Variants in CTNNA3 observed in about 807,000 individuals in gnomAD.
CTNNA3 encodes catenin alpha 3, also known as catenin alpha-3.
Under a neutral mutation model 95.7 loss-of-function variants are expected in CTNNA3, and 76 were observed. The observed-to-expected ratio is 0.79, with a 90% CI of 0.66 to 0.96. CTNNA3 has a LOEUF of 0.96. Among genes scored for constraint, CTNNA3 ranks in the 40% least tolerant of loss-of-function variants. CTNNA3 has a pLI of 0.00. For missense variants in CTNNA3, 1,191 were observed against 1,089.8 expected (o/e 1.09, Z -1.31); for synonymous variants, 431 against 374.4 (o/e 1.15, Z -1.74).
At chr10:67,702,260 T>C (rs1841045615) in intron 1 of CTNNA3, among the ~76,000 whole-genome samples, 1 of 152,072 alleles carries the variant, frequency 6.6e-6, no homozygotes, top group African/African-American at 2.4e-5. Context: ...TGAACTCAGC[T>C]CTGCACCAAG....
rs1857558607 is a variant in CTNNA3, at chr10:67,090,359, T to G, written c.1047+89958A>C. Among the ~76,000 whole-genome samples, 5 of 152,242 alleles carry G rather than the reference T, an allele frequency of 3.3e-5. No individual in the cohort carries two copies. The South Asian group carries it at 1.0e-3, about 32-fold the overall frequency. On this transcript the variant is annotated intron_variant, in intron 7 of 17. Coordinates refer to ENST00000433211, the MANE Select transcript of CTNNA3 (RefSeq NM_013266.4). ...AATGTGCAAAGAAGCATCATAAAAC[T>G]ACAGTATAAACATAGGAAATCTTAA...
intron 1 of CTNNA3, among the ~76,000 whole-genome samples, chr10:67,757,314 C>T (rs1841438443): frequency 1.3e-5 from 2 of 152,172 alleles, no homozygotes; most frequent in East Asian, 1.9e-4. Context: ...GTTAATTTTA[C>T]GTATCAACTC....
At chr10:67,500,039 G>T (rs533896988) in intron 5 of CTNNA3, among the ~76,000 whole-genome samples, 1 of 151,640 alleles carries the variant, frequency 6.6e-6, no homozygotes, top group Non-Finnish European at 1.5e-5. Context: ...GTCAATTTTA[G>T]ATCTTTCCCA....
At chr10:67,474,496 A>C (rs773054793) in intron 5 of CTNNA3, among the ~76,000 whole-genome samples, 2 of 152,180 alleles carry the variant, frequency 1.3e-5, no homozygotes, top group Non-Finnish European at 2.9e-5. Flanking sequence ...TTAGACTCCT[A>C]GCCTCCAGAA....
At chr10:66,915,101 A>T (rs945976139) in intron 7 of CTNNA3, among the ~76,000 whole-genome samples, 2 of 152,024 alleles carry the variant, frequency 1.3e-5, no homozygotes, top group Non-Finnish European at 2.9e-5. Context: ...AAATGTGGAG[A>T]GATCATTTTT....
intron 5 of CTNNA3, among the ~76,000 whole-genome samples, chr10:67,369,677 G>T (rs575274435): frequency 2.2e-4 from 34 of 152,080 alleles, no homozygotes; most frequent in African/African-American, 7.5e-4. Flanking sequence ...AAAGAAAATG[G>T]GTAAAGAATG....
intron 11 of CTNNA3, among the ~76,000 whole-genome samples, chr10:66,491,147 A>C (rs1330645098): frequency 6.6e-6 from 1 of 152,152 alleles, no homozygotes; most frequent in Non-Finnish European, 1.5e-5. Flanking sequence ...GCTGCACTTT[A>C]ATCTATTTTA....
chr10:66,021,166 C>T (rs1446082262), intron 15 of CTNNA3, among the ~76,000 whole-genome samples: 2 of 152,158 alleles, frequency 1.3e-5, no homozygotes, highest in Non-Finnish European at 2.9e-5. Context: ...GTCTGGTCTA[C>T]ATATTGTTTG....
chr10:67,171,431 G>A (rs1312550701), intron 7 of CTNNA3, among the ~76,000 whole-genome samples: 4 of 151,984 alleles, frequency 2.6e-5, no homozygotes, highest in Admixed American at 2.0e-4. Context: ...AAAATCAGAC[G>A]GGTGTGGTGG....
chr10:66,423,017 AC>A (rs2093209182), intron 11 of CTNNA3, among the ~76,000 whole-genome samples: 1 of 151,982 alleles, frequency 6.6e-6, no homozygotes, highest in Non-Finnish European at 1.5e-5. Flanking sequence ...CCATTAATCA[AC>A]CACTACTACA....
At chr10:66,246,314 G>C (rs370254883) in intron 13 of CTNNA3, among the ~76,000 whole-genome samples, 1 of 152,032 alleles carries the variant, frequency 6.6e-6, no homozygotes. Flanking sequence ...CCACAACTGC[G>C]CCCAGGGTTG....
At chr10:67,126,354 C>G (rs546756210) in intron 7 of CTNNA3, among the ~76,000 whole-genome samples, 64 of 152,336 alleles carry the variant, frequency 4.2e-4, no homozygotes, top group African/African-American at 1.4e-3. Flanking sequence ...TGGTGAAACC[C>G]TGTCTCTACT....
chr10:67,570,188 C>A (rs1357676002), intron 3 of CTNNA3, among the ~76,000 whole-genome samples: 1 of 151,884 alleles, frequency 6.6e-6, no homozygotes, highest in African/African-American at 2.4e-5. Flanking sequence ...TGAAACTTTC[C>A]GCCTTTCTTT....
intron 13 of CTNNA3, among the ~76,000 whole-genome samples, chr10:66,174,765 C>G (rs968021292): frequency 6.6e-6 from 1 of 152,012 alleles, no homozygotes; most frequent in African/African-American, 2.4e-5. Flanking sequence ...CCCATGTATA[C>G]TGAGGGACAA....
chr10:67,325,237 T>C (rs1841493435), intron 5 of CTNNA3, among the ~76,000 whole-genome samples: 1 of 152,154 alleles, frequency 6.6e-6, no homozygotes, highest in Admixed American at 6.5e-5. Flanking sequence ...TCTCCTTCAG[T>C]TCAGCTCTGA....
chr10:66,731,642 G>C (rs111442980), intron 9 of CTNNA3, among the ~76,000 whole-genome samples: 110 of 152,248 alleles, frequency 7.2e-4, no homozygotes, highest in African/African-American at 2.6e-3. Context: ...TTTTAACATA[G>C]CTTTCTGAAG....
intron 17 of CTNNA3, among the ~76,000 whole-genome samples, chr10:65,931,201 A>G (rs759340616): frequency 2.0e-5 from 3 of 152,184 alleles, no homozygotes; most frequent in Non-Finnish European, 2.9e-5. Flanking sequence ...AAAGATGACT[A>G]GCTTTAGACA....
At chr10:66,072,207 C>T (rs117289539) in intron 14 of CTNNA3, among the ~76,000 whole-genome samples, 3,928 of 152,200 alleles carry the variant, frequency 0.026, 93 homozygotes, top group Non-Finnish European at 0.039. Flanking sequence ...CATCTGATTA[C>T]ATCTATTCTG....
At chr10:67,744,790 T>C (rs1841364688) in intron 1 of CTNNA3, among the ~76,000 whole-genome samples, 1 of 151,834 alleles carries the variant, frequency 6.6e-6, no homozygotes, top group Non-Finnish European at 1.5e-5. Flanking sequence ...TACAATGAAT[T>C]CAAACAAATT....
Sources: allele counts gnomAD v4.1 joint callset (sites outside exome capture counted in the v4.1 genomes callset), GRCh38; gene constraint gnomAD v4.1.1; transcripts MANE v1.5; gene names NCBI Gene and HGNC (gene_info 2026-07-23, HGNC 2026-07-21).